SCLT1: variants seen among roughly 807,000 people sequenced by gnomAD.
SCLT1 encodes sodium channel and clathrin linker 1, also known as sodium channel-associated protein 1.
Under a neutral mutation model 112.8 loss-of-function variants are expected in SCLT1, and 78 were observed. The observed-to-expected ratio is 0.69, with a 90% CI of 0.58 to 0.83. The LOEUF is 0.83. SCLT1 is among the 40% of genes least tolerant of loss of function. The pLI is 0.00. For missense variants in SCLT1, 747 were observed against 770.4 expected, an observed-to-expected ratio of 0.97 and a Z score of 0.36; for synonymous variants, 257 against 254.7, an observed-to-expected ratio of 1.01 and a Z score of -0.09.
At chr4:128,879,298 G>A (rs906738108), downstream of SCLT1, among the ~76,000 whole-genome samples, 5 of 152,180 alleles carry the variant, frequency 3.3e-5, no homozygotes, top group Admixed American at 6.5e-5. Context: ...TTGAAGTCTA[G>A]AATGTGTGAA....
At chr4:129,041,891 T>A (rs1323068378) in intron 4 of SCLT1, 1 of 152,164 alleles carries the variant, frequency 6.6e-6, no homozygotes, top group Non-Finnish European at 1.5e-5. Context: ...GGATTACTGG[T>A]GTGTGCCACC....
In SCLT1 at chr4:128,888,699, C is replaced by T. The variant is rs772808785; in HGVS notation, c.1984G>A (p.Ala662Thr). 1 of 1,610,794 alleles carries T rather than the reference C, an allele frequency of 6.2e-7. No individual in the cohort carries two copies. The highest frequency in any genetic ancestry group is 8.5e-7 in the Non-Finnish European group (1 of 1,177,416). Reference protein sequence around the residue: ...QRRLSQAEERAASASQQLSVI... With the variant: ...QRRLSQAEERTASASQQLSVI... ...CCTACCTGCTGGGAAGCTGAAGCAG[C>T]TCTCTCTTCTGCCTGACTTAGACGC... The change falls in exon 20 of 21, where the codon GCT becomes ACT. Residue 662 changes from alanine (A) to threonine (T), a missense_variant. Ala to Thr is a moderately conservative substitution (Grantham distance 58). Coordinates refer to ENST00000281142, the MANE Select transcript of SCLT1 (RefSeq NM_144643.4).
intron 5 of SCLT1, among the ~76,000 whole-genome samples, chr4:129,027,070 A>G (rs1341539697): frequency 1.3e-5 from 2 of 152,174 alleles, no homozygotes. Context: ...TAACTTACCA[A>G]CCAAAAAGAG....
intron 18 of SCLT1, among the ~76,000 whole-genome samples, chr4:128,906,444 C>A (rs1252761685): frequency 6.6e-6 from 1 of 152,110 alleles, no homozygotes; most frequent in African/African-American, 2.4e-5. Context: ...GTGATCCGCC[C>A]GCTTCGGCCT....
intron 2 of SCLT1, among the ~76,000 whole-genome samples, chr4:129,052,922 G>A (rs143927270): frequency 0.045 from 6,888 of 152,166 alleles, 184 homozygotes; most frequent in African/African-American, 0.08. Context: ...ATTCTGGTAC[G>A]TTGTGTCTTT....
intron 13 of SCLT1, among the ~76,000 whole-genome samples, chr4:128,956,077 T>C (rs1412519646): frequency 6.6e-6 from 1 of 152,162 alleles, no homozygotes; most frequent in Non-Finnish European, 1.5e-5. Flanking sequence ...GGGAAATAAT[T>C]GGATTTTAGG....
At chr4:129,063,456 T>C (rs533257058) in intron 2 of SCLT1, among the ~76,000 whole-genome samples, 1 of 152,352 alleles carries the variant, frequency 6.6e-6, no homozygotes, top group Admixed American at 6.5e-5. Context: ...GTTTTTTTTG[T>C]GGGGGTAGTG....
intron 5 of SCLT1, among the ~76,000 whole-genome samples, chr4:129,033,654 G>T (rs1277789087): frequency 6.6e-6 from 1 of 151,944 alleles, no homozygotes; most frequent in South Asian, 2.1e-4. Flanking sequence ...ATAAGAGACT[G>T]GATGAAGGGA....
chr4:129,034,482 T>C (rs1256631833), intron 5 of SCLT1, among the ~76,000 whole-genome samples: 1 of 151,146 alleles, frequency 6.6e-6, no homozygotes, highest in Non-Finnish European at 1.5e-5. Flanking sequence ...CAAATATCAC[T>C]ACATACTAGA....
chr4:129,034,407 C>A (rs930692608), intron 5 of SCLT1, among the ~76,000 whole-genome samples: 7 of 151,170 alleles, frequency 4.6e-5, no homozygotes, highest in Admixed American at 1.3e-4. Flanking sequence ...AAATCTGTAA[C>A]ATATTTAGTT....
chr4:128,975,957 C>T (rs1741138927), intron 9 of SCLT1, among the ~76,000 whole-genome samples: 1 of 152,152 alleles, frequency 6.6e-6, no homozygotes, highest in Admixed American at 6.5e-5. Context: ...TATTATAATC[C>T]ATACGCTGAG....
intron 2 of SCLT1, 35 bp downstream of exon 2, chr4:129,082,270 GA>G (rs1235758891): frequency 9.6e-7 from 1 of 1,047,032 alleles, no homozygotes; most frequent in African/African-American, 1.6e-5. Context: ...AACTTCACAT[GA>G]GAATATTCCC....
intron 14 of SCLT1, among the ~76,000 whole-genome samples, chr4:128,951,571 C>T (rs1367989116): frequency 6.6e-6 from 1 of 152,120 alleles, no homozygotes; most frequent in Non-Finnish European, 1.5e-5. Flanking sequence ...TATTCATGCC[C>T]TTGCAGAGTT....
At chr4:128,994,515 T>C (rs1742841364) in intron 8 of SCLT1, among the ~76,000 whole-genome samples, 1 of 152,114 alleles carries the variant, frequency 6.6e-6, no homozygotes, top group Admixed American at 6.6e-5. Context: ...TTTCAATACG[T>C]TGGGATAAAT....
rs746398116 is a variant in SCLT1, at chr4:128,957,081, A to C, written c.1091T>G (p.Met364Arg). 6.2e-7 allele frequency: 1 copy of C among 1,602,556 alleles called. No individual in the cohort carries two copies. The highest frequency in any genetic ancestry group is 8.5e-7 in the Non-Finnish European group (1 of 1,173,024). The change falls in exon 13 of 21, where the codon ATG becomes AGG. Residue 364 changes from methionine to arginine, a missense_variant. Met to Arg is a moderately conservative substitution (Grantham distance 91). Transcript: ENST00000281142. ...TACAAACCGAGAAACTGTCTCTTTCATTTTCTCTATGTCTTCTTCTTTTTG... is the reference window on the plus strand; with the variant it reads ...TACAAACCGAGAAACTGTCTCTTTCCTTTTCTCTATGTCTTCTTCTTTTTG... Reference protein sequence around the residue: ...EKQKEEDIEKMKETVSRFVQD... With the variant: ...EKQKEEDIEKRKETVSRFVQD...
At chr4:128,922,491 T>C (rs1735962670) in intron 18 of SCLT1, among the ~76,000 whole-genome samples, 1 of 152,070 alleles carries the variant, frequency 6.6e-6, no homozygotes, top group Admixed American at 6.5e-5. Flanking sequence ...TGAGATTATG[T>C]CCTTTGCAGC....
chr4:129,090,743 C>T (rs1752759508), intron 1 of SCLT1, among the ~76,000 whole-genome samples: 1 of 152,152 alleles, frequency 6.6e-6, no homozygotes, highest in African/African-American at 2.4e-5. Flanking sequence ...AATGCAAGTA[C>T]CTCTTTGAAC....
At chr4:129,070,325 G>A (rs1750885903) in intron 2 of SCLT1, among the ~76,000 whole-genome samples, 1 of 151,946 alleles carries the variant, frequency 6.6e-6, no homozygotes. Context: ...AGTATCAAAA[G>A]TATTGGCACC....
chr4:129,029,672 G>A (rs1746513380), intron 5 of SCLT1, among the ~76,000 whole-genome samples: 1 of 151,440 alleles, frequency 6.6e-6, no homozygotes. Flanking sequence ...AAACTTAAAA[G>A]TATAATAATA....
Sources: gnomAD v4.1 joint callset for allele counts (sites outside exome capture counted in the v4.1 genomes callset) on GRCh38, gnomAD v4.1.1 for gene constraint, MANE v1.5 for transcripts, NCBI Gene and HGNC (gene_info 2026-07-23, HGNC 2026-07-21) for gene names.